The following NSUN7 variants were observed in gnomAD, a reference collection of about 807,000 sequenced individuals.
NSUN7 encodes the protein NOP2/Sun RNA methyltransferase family member 7, also known as protein NSUN7.
NSUN7 carries 39 observed loss-of-function variants against 58.5 expected under a neutral mutation model. The observed-to-expected ratio is 0.67, with a 90% CI of 0.52 to 0.87. The LOEUF is 0.87. NSUN7 is among the 40% of genes least tolerant of loss of function. NSUN7 has a pLI of 0.00. For synonymous variants in NSUN7, 278 were observed against 303.7 expected (o/e 0.92, Z 0.88); for missense variants, 765 against 844.1 (o/e 0.91, Z 1.16).
chr4:40,808,216 CT>C, intron 11 of NSUN7, 90 bp from the exon 12 acceptor site: 1 of 1,401,536 alleles, frequency 7.1e-7, no homozygotes, highest in Non-Finnish European at 9.7e-7. Flanking sequence ...TAAAGAGAGT[CT>C]TTTTATTTTT....
chr4:40,788,337 A>G (rs1319173555), intron 7 of NSUN7, among the ~76,000 whole-genome samples: 9 of 152,202 alleles, frequency 5.9e-5, no homozygotes, highest in African/African-American at 2.2e-4. Context: ...CATGATCACT[A>G]AAGAAGTGAG....
chr4:40,752,287 C>T (rs1740872754), intron 2 of NSUN7, among the ~76,000 whole-genome samples: 1 of 152,196 alleles, frequency 6.6e-6, no homozygotes, highest in Non-Finnish European at 1.5e-5. Context: ...CAGTTAATTA[C>T]TCAGTTCAGC....
rs1234097724 is a variant in NSUN7, at chr4:40,809,125, G to C, written c.*186G>C. 1.6e-6 allele frequency: 1 copy of C among 614,404 alleles called. No individual in the cohort carries two copies. Among genetic ancestry groups the C allele is most frequent in the East Asian group, 2.9e-5 (1 of 34,280 alleles). The allele number at this position is 614,404 out of a possible 1,614,324, so 38.1% of individuals were successfully genotyped here. A position where few individuals can be genotyped will look rare whatever the true frequency, so the allele number is the denominator to read the frequency against. ...AAACAATAATGTAGGAGTCAGCAAA[G>C]CAGAATTCAGAGACTTCAGCCAATC... On this transcript the variant is annotated 3_prime_UTR_variant, in exon 12 of 12. Coordinates refer to ENST00000381782, the MANE Select transcript of NSUN7 (RefSeq NM_024677.6).
intron 3 of NSUN7, 51 bp downstream of exon 3, chr4:40,760,543 A>G (rs1347537935): frequency 7.0e-7 from 1 of 1,435,604 alleles, no homozygotes; most frequent in South Asian, 1.2e-5. Flanking sequence ...TTTTTAAAAA[A>G]GAAAGTGTTT....
At position 40,780,236 on chromosome 4, in the gene NSUN7, C is replaced by T. The variant is rs550590423; in HGVS notation, c.1036+3977C>T. ...CAGAGGTTGCAGCGAGCTGAGATCGCGCCACTGCCCTCCAGCCTAGGCAAC... is the reference window on the plus strand; with the variant it reads ...CAGAGGTTGCAGCGAGCTGAGATCGTGCCACTGCCCTCCAGCCTAGGCAAC... On this transcript the variant is annotated intron_variant, in intron 7 of 11. Coordinates refer to ENST00000381782, the MANE Select transcript of NSUN7 (RefSeq NM_024677.6). 8.0e-4 allele frequency among the ~76,000 whole-genome samples: 122 copies of T among 152,226 alleles called. 1 individual carries two copies. The highest frequency in any genetic ancestry group is 2.5e-3 in the African/African-American group (103 of 41,536).
chr4:40,797,416 C>T (rs1213660789), intron 9 of NSUN7, among the ~76,000 whole-genome samples: 1 of 152,208 alleles, frequency 6.6e-6, no homozygotes, highest in Non-Finnish European at 1.5e-5. Context: ...CATCTCAAAG[C>T]TAACATGTCT....
In NSUN7 at chr4:40,774,956, CTAA is replaced by C. The variant is rs1395574491; in HGVS notation, c.825+9_825+11del. ...ATTACAAACTTATATTTCAGGTAAA[CTAA>C]TATTTACTTTCATTGTGATTCTCAA... On this transcript the variant is annotated splice_region_variant and intron_variant, in intron 6 of 11. Coordinates refer to ENST00000381782, the MANE Select transcript of NSUN7 (RefSeq NM_024677.6). The C allele has an allele frequency of 9.6e-7, 1 of 1,045,538 alleles. No individual in the cohort carries two copies. The highest frequency in any genetic ancestry group is 2.5e-5 in the East Asian group (1 of 40,218). The allele number at this position is 1,045,538 out of a possible 1,614,324, so 64.8% of individuals were successfully genotyped here. A position where few individuals can be genotyped will look rare whatever the true frequency, so the allele number is the denominator to read the frequency against.
Position 40,797,740 on chromosome 4 carries a change from AAC to A in NSUN7, c.1283-1043_1283-1042del, listed in dbSNP as rs1174183454. On this transcript the variant is annotated intron_variant, in intron 9 of 11. Transcript: ENST00000381782. ...CCCCTGCCCTCTGCACTCTATTCTT[AAC>A]ACAGCAATTGGAGTGATCTTGTTAA... Among the ~76,000 whole-genome samples, 4 of 152,306 alleles carry A rather than the reference AAC, an allele frequency of 2.6e-5. No individual in the cohort carries two copies. The East Asian group carries it at 7.7e-4, about 29-fold the overall frequency.
At chr4:40,757,841 C>T (rs1741247996) in intron 2 of NSUN7, among the ~76,000 whole-genome samples, 1 of 151,380 alleles carries the variant, frequency 6.6e-6, no homozygotes, top group African/African-American at 2.4e-5. Flanking sequence ...GGAAAAAATG[C>T]AATTATTGGG....
chr4:40,802,678 C>T, intron 10 of NSUN7, among the ~76,000 whole-genome samples: 1 of 151,950 alleles, frequency 6.6e-6, no homozygotes, highest in Middle Eastern at 3.4e-3. Context: ...TTTATTGAAA[C>T]CTACAGTAGG....
chr4:40,807,678 C>G (rs116085313), intron 11 of NSUN7, among the ~76,000 whole-genome samples: 2,730 of 152,134 alleles, frequency 0.018, 83 homozygotes, highest in African/African-American at 0.063. Context: ...CCGAGTGTTC[C>G]TCTTCTGCCT....
intron 11 of NSUN7, among the ~76,000 whole-genome samples, chr4:40,807,641 C>T (rs115643477): frequency 0.016 from 2,374 of 152,142 alleles, 60 homozygotes; most frequent in African/African-American, 0.055. Context: ...CCACCGCACC[C>T]GGCCAGCCCT....
At chr4:40,807,350 CTTT>C (rs372231273) in intron 11 of NSUN7, among the ~76,000 whole-genome samples, 166 bp downstream of exon 11, 12 of 139,816 alleles carry the variant, frequency 8.6e-5, no homozygotes, top group Non-Finnish European at 1.1e-4. Flanking sequence ...AAGCCCTGTT[CTTT>C]TTTTTTTTTT....
chr4:40,809,216 T>G lies in NSUN7; in HGVS notation c.*277T>G, dbSNP rs142031931. The G allele has an allele frequency of 3.1e-4, 91 of 292,298 alleles. No homozygotes were observed. The East Asian group carries it at 4.3e-3, about 14-fold the overall frequency. 18.1% of individuals were successfully genotyped at this position (292,298 alleles called of 1,614,324 possible). ...GCGGTCAGAACTTATCTCACTCCTGTGAACTTTCAGGCTGGACTTAAAGCT... is the reference window on the plus strand; with the variant it reads ...GCGGTCAGAACTTATCTCACTCCTGGGAACTTTCAGGCTGGACTTAAAGCT... On this transcript the variant is annotated 3_prime_UTR_variant, in exon 12 of 12. Transcript: ENST00000381782.
intron 2 of NSUN7, among the ~76,000 whole-genome samples, chr4:40,758,311 T>TG (rs1741275998): frequency 6.6e-6 from 1 of 152,030 alleles, no homozygotes; most frequent in South Asian, 2.1e-4. Context: ...GTACTTGTTG[T>TG]GAAAAAAAAG....
chr4:40,800,790 G>A (rs961327494), intron 10 of NSUN7, among the ~76,000 whole-genome samples: 1 of 152,050 alleles, frequency 6.6e-6, no homozygotes, highest in African/African-American at 2.4e-5. Flanking sequence ...TTAAATGTTT[G>A]GACCTGCAGA....
Position 40,751,956 on chromosome 4 carries a change from A to C in NSUN7, c.298+965A>C, listed in dbSNP as rs541924827. Among the ~76,000 whole-genome samples the C allele has an allele frequency of 2.6e-5, 4 of 152,314 alleles. No individual in the cohort carries two copies. The South Asian group carries it at 8.3e-4, about 32-fold the overall frequency. On this transcript the variant is annotated intron_variant, in intron 2 of 11. Transcript: ENST00000381782. ...GGTTGCAGTGAGCCAAGATGGTGTC[A>C]TTGCACTCTAACCTGGTGACAGAGC...
chr4:40,801,041 G>A (rs1304093579), intron 10 of NSUN7, among the ~76,000 whole-genome samples: 1 of 137,794 alleles, frequency 7.3e-6, no homozygotes, highest in Non-Finnish European at 1.6e-5. Flanking sequence ...GAGAGGAAGG[G>A]AGAAAGGGAG....
Position 40,776,255 on chromosome 4 carries a change from T to A in NSUN7, c.1032T>A (p.Cys344Ter). Reference protein sequence around the residue: ...DLKTLFTKIGCKNIEILHEKF... With the variant: ...DLKTLFTKIG ...AGACCCTTTTCACAAAAATAGGATGTAAAAGTATGTAAAAATATTTCTTCA... is the reference window on the plus strand; with the variant it reads ...AGACCCTTTTCACAAAAATAGGATGAAAAAGTATGTAAAAATATTTCTTCA... Residue 344 changes from cysteine to a stop codon, truncating the protein, a stop_gained, in exon 7 of 12, where the codon TGT becomes TGA. Coordinates refer to ENST00000381782, the MANE Select transcript of NSUN7 (RefSeq NM_024677.6). LOFTEE classifies it high-confidence loss of function. The A allele has an allele frequency of 6.4e-7, 1 of 1,562,690 alleles. No homozygotes were observed. The highest frequency in any genetic ancestry group is 8.7e-7 in the Non-Finnish European group (1 of 1,152,598).
Sources: gnomAD v4.1 joint callset for allele counts (sites outside exome capture counted in the v4.1 genomes callset) on GRCh38, gnomAD v4.1.1 for gene constraint, MANE v1.5 for transcripts, NCBI Gene and HGNC (gene_info 2026-07-23, HGNC 2026-07-21) for gene names.